EPHA3: variants seen among roughly 807,000 people sequenced by gnomAD.
EPHA3 encodes EPH receptor A3.
A neutral mutation model predicts 107.1 loss-of-function variants in EPHA3; 42 were observed. The observed-to-expected ratio is 0.39, with a 90% CI of 0.31 to 0.51. The LOEUF (loss-of-function observed/expected upper bound fraction) is 0.51. EPHA3 is among the 20% of genes least tolerant of loss of function. The pLI is 0.78. For synonymous variants in EPHA3, 461 were observed against 424.8 expected (o/e 1.09, Z -1.05); for missense variants, 1,183 against 1,211.2 (o/e 0.98, Z 0.35).
intron 5 of EPHA3, among the ~76,000 whole-genome samples, chr3:89,358,559 A>G (rs984965251): frequency 4.6e-5 from 7 of 151,112 alleles, no homozygotes; most frequent in African/African-American, 1.7e-4. Flanking sequence ...GGTTTCATGA[A>G]TACAGCATGA....
chr3:89,383,687 A>G (rs1306401891), intron 5 of EPHA3, among the ~76,000 whole-genome samples: 2 of 112,010 alleles, frequency 1.8e-5, no homozygotes, highest in Non-Finnish European at 1.6e-5. Context: ...CTCACTCTGT[A>G]GCCCAGGCTG....
chr3:89,185,909 C>T (rs1218378026), intron 2 of EPHA3, among the ~76,000 whole-genome samples: 1 of 152,046 alleles, frequency 6.6e-6, no homozygotes, highest in Non-Finnish European at 1.5e-5. Context: ...AATAGCCCCT[C>T]ATTGTCTATT....
chr3:89,299,006 A>T (rs1413325727), intron 3 of EPHA3, among the ~76,000 whole-genome samples: 1 of 152,146 alleles, frequency 6.6e-6, no homozygotes. Flanking sequence ...TTATATAAAG[A>T]TGTGTTGTAC....
At chr3:89,375,240 T>C (rs1486551991) in intron 5 of EPHA3, among the ~76,000 whole-genome samples, 3 of 151,854 alleles carry the variant, frequency 2.0e-5, no homozygotes, top group African/African-American at 7.2e-5. Context: ...AATAAAGCTT[T>C]ATATGGTCTC....
chr3:89,247,136 A>T (rs1471243061), intron 3 of EPHA3, among the ~76,000 whole-genome samples: 1 of 152,184 alleles, frequency 6.6e-6, no homozygotes, highest in East Asian at 1.9e-4. Context: ...ATTACCAAAA[A>T]GTCCTAGTTT....
intron 7 of EPHA3, among the ~76,000 whole-genome samples, chr3:89,402,508 AT>A (rs1356548106): frequency 2.0e-5 from 3 of 151,848 alleles, no homozygotes; most frequent in Admixed American, 6.6e-5. Flanking sequence ...AAAAGACAAA[AT>A]TTTTTTTGTC....
chr3:89,216,390 G>A (rs1276717154), intron 3 of EPHA3, among the ~76,000 whole-genome samples: 1 of 151,962 alleles, frequency 6.6e-6, no homozygotes, highest in Non-Finnish European at 1.5e-5. Context: ...GATTGAAATT[G>A]TCCAAGAAAA....
At chr3:89,152,065 A>T (rs1034293675) in intron 2 of EPHA3, among the ~76,000 whole-genome samples, 2 of 152,046 alleles carry the variant, frequency 1.3e-5, no homozygotes, top group Non-Finnish European at 2.9e-5. Context: ...TTACCTTGAG[A>T]TTATTCAGTG....
At chr3:89,153,162 A>G (rs1576187891) in intron 2 of EPHA3, among the ~76,000 whole-genome samples, 1 of 152,124 alleles carries the variant, frequency 6.6e-6, no homozygotes, top group Non-Finnish European at 1.5e-5. Flanking sequence ...GTGAATTGAC[A>G]TGGGTAAAGG....
chr3:89,311,258 C>T (rs936830846), intron 3 of EPHA3, among the ~76,000 whole-genome samples: 2 of 151,960 alleles, frequency 1.3e-5, no homozygotes, highest in African/African-American at 2.4e-5. Flanking sequence ...AAGCATTTAA[C>T]GTCAACACAT....
chr3:89,230,017 T>C (rs1324723214), intron 3 of EPHA3, among the ~76,000 whole-genome samples: 2 of 152,118 alleles, frequency 1.3e-5, no homozygotes, highest in Non-Finnish European at 2.9e-5. Context: ...CCTTGAAATA[T>C]ATAAGTCAGT....
intron 8 of EPHA3, 50 bp downstream of exon 8, chr3:89,407,421 C>A: frequency 7.0e-7 from 1 of 1,435,880 alleles, no homozygotes; most frequent in Non-Finnish European, 9.8e-7. Flanking sequence ...GCTTTGTTTG[C>A]TGCCACTGAT....
intron 5 of EPHA3, among the ~76,000 whole-genome samples, chr3:89,370,628 A>T (rs575247278): frequency 6.6e-6 from 1 of 151,728 alleles, no homozygotes; most frequent in Non-Finnish European, 1.5e-5. Flanking sequence ...TGCACATTGT[A>T]CACATGTACC....
chr3:89,326,002 A>G, intron 3 of EPHA3, among the ~76,000 whole-genome samples: 1 of 151,292 alleles, frequency 6.6e-6, no homozygotes, highest in East Asian at 1.9e-4. Context: ...TACAAAATTA[A>G]AATATAATTA....
intron 15 of EPHA3, among the ~76,000 whole-genome samples, chr3:89,458,629 GC>G (rs1465344341): frequency 6.6e-6 from 1 of 151,984 alleles, no homozygotes; most frequent in Admixed American, 6.6e-5. Flanking sequence ...TAATTTACAC[GC>G]CCACCAACAG....
intron 13 of EPHA3, among the ~76,000 whole-genome samples, chr3:89,448,489 T>C (rs1709922973): frequency 6.6e-6 from 1 of 152,190 alleles, no homozygotes; most frequent in Non-Finnish European, 1.5e-5. Flanking sequence ...ATGTATTTAT[T>C]GAACTAAGAG....
At chr3:89,119,400 C>T (rs553173778) in intron 1 of EPHA3, among the ~76,000 whole-genome samples, 10 of 152,152 alleles carry the variant, frequency 6.6e-5, no homozygotes, top group African/African-American at 2.4e-4. Flanking sequence ...TATTCCAGTG[C>T]GGAGTTTGAT....
intron 5 of EPHA3, among the ~76,000 whole-genome samples, chr3:89,391,888 C>A (rs540974996): frequency 9.7e-4 from 148 of 152,212 alleles, no homozygotes; most frequent in Non-Finnish European, 1.4e-3. Context: ...AATATTATTT[C>A]TCTCTCTTAA....
intron 12 of EPHA3, among the ~76,000 whole-genome samples, chr3:89,429,694 TCATCTATC>T (rs1709526524): frequency 1.4e-5 from 2 of 138,780 alleles, no homozygotes; most frequent in Admixed American, 7.6e-5. Context: ...CGTTTATCTA[TCATCTATC>T]TATCTATCTA....
Sources: allele counts gnomAD v4.1 joint callset (sites outside exome capture counted in the v4.1 genomes callset), GRCh38; gene constraint gnomAD v4.1.1; transcripts MANE v1.5; gene names NCBI Gene and HGNC (gene_info 2026-07-23, HGNC 2026-07-21).